Variants in CES5A observed in about 807,000 individuals in gnomAD.
CES5A encodes carboxylesterase 5A.
CES5A carries 67 observed loss-of-function variants against 62.9 expected under a neutral mutation model. The observed-to-expected ratio is 1.07, with a 90% CI of 0.88 to 1.31. The LOEUF is 1.31. Among genes scored for constraint, CES5A ranks in the 50% most tolerant of loss-of-function variants. The pLI is 0.00. For missense variants in CES5A, 748 were observed against 708.5 expected (o/e 1.06, Z -0.63); for synonymous variants, 296 against 280.8 (o/e 1.05, Z -0.54).
intron 1 of CES5A, among the ~76,000 whole-genome samples, chr16:55,888,447 A>G (rs1239194062): frequency 1.3e-5 from 2 of 152,192 alleles, no homozygotes; most frequent in Non-Finnish European, 2.9e-5. Context: ...ATTCTAGTAG[A>G]TATTCTGTTA....
chr16:55,948,678 G>T (rs2034522658), intron 2 of CES5A, among the ~76,000 whole-genome samples: 2 of 152,156 alleles, frequency 1.3e-5, no homozygotes, highest in Admixed American at 1.3e-4. Flanking sequence ...AGGGTCCCAA[G>T]ATTTTATTTT....
At chr16:55,888,758 T>C (rs920830750) in intron 1 of CES5A, among the ~76,000 whole-genome samples, 12 of 152,226 alleles carry the variant, frequency 7.9e-5, no homozygotes, top group African/African-American at 2.7e-4. Context: ...ATTCTATTGT[T>C]ATTCTAATTA....
chr16:55,943,970 A>C (rs2142481604), intron 2 of CES5A: 1 of 699,378 alleles, frequency 1.4e-6, no homozygotes, highest in East Asian at 2.7e-5. Context: ...CCATATGAGC[A>C]TTATCAGCCC....
At chr16:55,880,195 C>T (rs1488880510), upstream of CES5A, among the ~76,000 whole-genome samples, 1 of 152,132 alleles carries the variant, frequency 6.6e-6, no homozygotes, top group African/African-American at 2.4e-5. Flanking sequence ...GGCCCAGCCT[C>T]CCCTTGCACT....
chr16:55,918,365 C>T (rs533245911), intron 1 of CES5A, among the ~76,000 whole-genome samples: 12 of 152,184 alleles, frequency 7.9e-5, no homozygotes, highest in South Asian at 4.2e-4. Flanking sequence ...ATAATAAATC[C>T]GTCATTCCAT....
chr16:55,864,834 A>G (rs1303276071), intron 5 of CES5A, among the ~76,000 whole-genome samples: 5 of 151,860 alleles, frequency 3.3e-5, no homozygotes, highest in Non-Finnish European at 7.4e-5. Flanking sequence ...GCCTATGACC[A>G]GGAGTTTGGG....
intron 2 of CES5A, among the ~76,000 whole-genome samples, chr16:55,941,102 G>T (rs984083628): frequency 1.3e-5 from 2 of 152,002 alleles, no homozygotes; most frequent in Non-Finnish European, 2.9e-5. Flanking sequence ...AGGCATGGAT[G>T]AATTCTCACT....
At chr16:55,889,243 G>C (rs1211258820) in intron 1 of CES5A, among the ~76,000 whole-genome samples, 1 of 152,010 alleles carries the variant, frequency 6.6e-6, no homozygotes, top group African/African-American at 2.4e-5. Flanking sequence ...CATTCTCCAA[G>C]AAATGCCAGC....
At chr16:55,934,961 G>A (rs1357191706) in intron 2 of CES5A, among the ~76,000 whole-genome samples, 1 of 151,868 alleles carries the variant, frequency 6.6e-6, no homozygotes, top group East Asian at 1.9e-4. Context: ...TTGTTTTTTT[G>A]AGACAGAGTC....
At chr16:55,926,857 T>C (rs7187821), upstream of CES5A, among the ~76,000 whole-genome samples, 2,993 of 152,322 alleles carry the variant, frequency 0.02, 110 homozygotes, top group African/African-American at 0.069. Context: ...CCCAGTCTGC[T>C]TTTGCTTTGA....
chr16:55,936,058 G>A (rs2034371301), intron 2 of CES5A, among the ~76,000 whole-genome samples: 1 of 152,104 alleles, frequency 6.6e-6, no homozygotes, highest in Admixed American at 6.6e-5. Flanking sequence ...ATGTTCTCAG[G>A]CCTTTCTTCC....
upstream of CES5A, among the ~76,000 whole-genome samples, chr16:55,929,452 C>T (rs545614848): frequency 6.6e-6 from 1 of 152,334 alleles, no homozygotes; most frequent in East Asian, 1.9e-4. Context: ...CTGCATCTCT[C>T]ATGTGCACCC....
At chr16:55,873,772 G>C in intron 2 of CES5A, 61 bp downstream of exon 2, 1 of 1,440,776 alleles carries the variant, frequency 6.9e-7, no homozygotes, top group South Asian at 1.3e-5. Flanking sequence ...TGGGCTGCAT[G>C]ACCTGAATTC....
At chr16:55,920,419 C>T (rs1250980193) in intron 1 of CES5A, among the ~76,000 whole-genome samples, 1 of 152,192 alleles carries the variant, frequency 6.6e-6, no homozygotes, top group African/African-American at 2.4e-5. Flanking sequence ...GCAAGACCTA[C>T]AGCAGCATCA....
intron 1 of CES5A, among the ~76,000 whole-genome samples, chr16:55,882,317 A>AT (rs1363139045): frequency 1.3e-5 from 2 of 152,112 alleles, no homozygotes; most frequent in East Asian, 3.9e-4. Flanking sequence ...ATGGTCCAGC[A>AT]TTTTTTTGAT....
chr16:55,891,639 C>T (rs1015600235), intron 1 of CES5A, among the ~76,000 whole-genome samples: 6 of 152,088 alleles, frequency 3.9e-5, no homozygotes, highest in African/African-American at 1.4e-4. Context: ...CCAAAGAAGG[C>T]AATCATATAT....
chr16:55,856,378 A>G lies in CES5A; in HGVS notation c.1124T>C (p.Leu375Pro). The change falls in exon 9 of 13, where the codon CTG becomes CCG. Residue 375 changes from leucine to proline, a missense_variant and splice_region_variant. By Grantham distance (98) the Leu-to-Pro change is moderately conservative. Transcript: ENST00000290567. Reference protein sequence around the residue: ...SLALHLIQNILHIPPQYLHLV... With the variant: ...SLALHLIQNIPHIPPQYLHLV... ...ACTGCAGCCTCCCAAGCTACTCACC[A>G]GGATGTTTTGTATCAGATGGAGGGC... The G allele has an allele frequency of 6.2e-7, 1 of 1,613,982 alleles. No homozygotes were observed. The highest frequency in any genetic ancestry group is 1.7e-5 in the Admixed American group (1 of 60,022).
At chr16:55,863,314 G>A in intron 6 of CES5A, 34 bp downstream of exon 6, 3 of 1,094,226 alleles carry the variant, frequency 2.7e-6, no homozygotes, top group Non-Finnish European at 4.3e-6. Flanking sequence ...TAACTGAGGA[G>A]AGGAAGGTGG....
upstream of CES5A, among the ~76,000 whole-genome samples, chr16:55,879,477 C>A (rs576017760): frequency 6.0e-5 from 9 of 150,410 alleles, no homozygotes; most frequent in African/African-American, 2.0e-4. Flanking sequence ...CCTATCACTG[C>A]ATCCCATCTC....
Sources: gnomAD v4.1 joint callset for allele counts (sites outside exome capture counted in the v4.1 genomes callset) on GRCh38, gnomAD v4.1.1 for gene constraint, MANE v1.5 for transcripts, NCBI Gene and HGNC (gene_info 2026-07-23, HGNC 2026-07-21) for gene names.